DYNC1I1: variants seen among roughly 807,000 people sequenced by gnomAD.
DYNC1I1 encodes the protein dynein cytoplasmic 1 intermediate chain 1, also known as cytoplasmic dynein 1 intermediate chain 1.
Under a neutral mutation model 86.6 loss-of-function variants are expected in DYNC1I1, and 43 were observed. The ratio of observed to expected loss-of-function variants is 0.50; its 90% CI spans 0.39 to 0.64. The LOEUF is 0.64. DYNC1I1 is among the 30% of genes least tolerant of loss of function. The pLI, the probability that DYNC1I1 is intolerant of heterozygous loss-of-function variation, is 0.00. For synonymous variants in DYNC1I1, 262 were observed against 283.7 expected (o/e 0.92, Z 0.77); for missense variants, 604 against 788.8 (o/e 0.77, Z 2.81).
chr7:95,908,398 C>T (rs1181746658), intron 6 of DYNC1I1, among the ~76,000 whole-genome samples: 1 of 152,072 alleles, frequency 6.6e-6, no homozygotes, highest in Non-Finnish European at 1.5e-5. Context: ...TTTAAAAAAA[C>T]ACTGGTAGGC....
Position 95,815,491 on chromosome 7 carries a change from C to T in DYNC1I1, c.314+2154C>T, listed in dbSNP as rs573773618. On this transcript the variant is annotated intron_variant, in intron 4 of 16. Transcript: ENST00000447467. Reference sequence around the variant, plus strand: ...TTAAGAATGCCTTAGTAAATTCTGCCCTTGTTTTGAACTTAGGAAAATTCC... The same window carrying T: ...TTAAGAATGCCTTAGTAAATTCTGCTCTTGTTTTGAACTTAGGAAAATTCC... Among the ~76,000 whole-genome samples, 44 of 152,038 alleles carry T rather than the reference C, an allele frequency of 2.9e-4. No homozygotes were observed. In the South Asian group the frequency reaches 8.7e-3, roughly 30 times the overall value.
At chr7:95,915,849 G>C (rs927263053) in intron 6 of DYNC1I1, among the ~76,000 whole-genome samples, 6 of 152,140 alleles carry the variant, frequency 3.9e-5, no homozygotes, top group Non-Finnish European at 8.8e-5. Flanking sequence ...TTTAAGTTGG[G>C]ATGTGCCAAT....
intron 4 of DYNC1I1, among the ~76,000 whole-genome samples, chr7:95,821,096 G>T (rs1158117985): frequency 1.3e-5 from 2 of 152,098 alleles, no homozygotes; most frequent in African/African-American, 4.8e-5. Flanking sequence ...GAATCAACTT[G>T]CCCTCACACG....
chr7:96,102,717 A>T (rs1720413034), downstream of DYNC1I1, among the ~76,000 whole-genome samples: 1 of 152,216 alleles, frequency 6.6e-6, no homozygotes, highest in African/African-American at 2.4e-5. Flanking sequence ...AGATGCTATG[A>T]TATTAATGGT....
rs776377255 is a variant in DYNC1I1 at position 95,810,457 on chromosome 7, G to C, written c.174G>C (p.Glu58Asp). 29 of 1,612,984 alleles carry C rather than the reference G, an allele frequency of 1.8e-5. No homozygotes were observed. The highest frequency in any genetic ancestry group is 2.5e-5 in the Non-Finnish European group (29 of 1,179,426). The change falls in exon 3 of 17, where the codon GAG becomes GAC. Residue 58 changes from glutamate to aspartate, a missense_variant. Physicochemically the swap from Glu to Asp is conservative, Grantham distance 45 (BLOSUM62 2). Coordinates refer to ENST00000447467, the MANE Select transcript of DYNC1I1 (RefSeq NM_001135556.2). ...CTGATCTGGATCGCAAACGACGAGA[G>C]ACAGAGGCTTTGCTGCAAAGCATTG... ...DDSDLDRKRR[E>D]TEALLQSIGI...
intron 6 of DYNC1I1, among the ~76,000 whole-genome samples, chr7:95,888,795 C>G (rs1790663428): frequency 6.6e-6 from 1 of 152,186 alleles, no homozygotes; most frequent in Non-Finnish European, 1.5e-5. Context: ...AGTAATTTTT[C>G]TACTTCTGGG....
At chr7:96,061,975 T>C (rs1478115627) in intron 14 of DYNC1I1, among the ~76,000 whole-genome samples, 3 of 152,086 alleles carry the variant, frequency 2.0e-5, no homozygotes, top group Non-Finnish European at 2.9e-5. Flanking sequence ...CCTATAAGAG[T>C]CTTGAGTTTT....
At chr7:95,862,565 G>A (rs537731530) in intron 5 of DYNC1I1, among the ~76,000 whole-genome samples, 1 of 152,188 alleles carries the variant, frequency 6.6e-6, no homozygotes, top group Non-Finnish European at 1.5e-5. Context: ...AGTTGAGGAG[G>A]TTGTAAAGCA....
At chr7:96,097,017 A>G (rs561064857) in intron 16 of DYNC1I1, among the ~76,000 whole-genome samples, 1 of 152,284 alleles carries the variant, frequency 6.6e-6, no homozygotes, top group Admixed American at 6.5e-5. Context: ...TTCTTTGTAT[A>G]TATAAGCTAT....
Position 95,786,802 on chromosome 7 carries a change from A to G in DYNC1I1, c.-10+14029A>G, listed in dbSNP as rs557711567. 2.6e-5 allele frequency among the ~76,000 whole-genome samples: 4 copies of G among 152,144 alleles called. No individual in the cohort carries two copies. In the South Asian group the frequency reaches 8.3e-4, roughly 32 times the overall value. ...TGGCCCCACCACTCCATTCCTGCAA[A>G]GTGTCACAGTGTAGCAGGGACTGGA... On this transcript the variant is annotated intron_variant, in intron 1 of 16. Coordinates refer to ENST00000447467, the MANE Select transcript of DYNC1I1 (RefSeq NM_001135556.2).
chr7:95,787,049 C>T (rs533465081), intron 1 of DYNC1I1, among the ~76,000 whole-genome samples: 1 of 152,264 alleles, frequency 6.6e-6, no homozygotes, highest in South Asian at 2.1e-4. Flanking sequence ...TTTTGAGTGT[C>T]TAGATGTTAG....
chr7:95,895,950 G>A (rs1790872240), intron 6 of DYNC1I1, among the ~76,000 whole-genome samples: 1 of 152,210 alleles, frequency 6.6e-6, no homozygotes, highest in Non-Finnish European at 1.5e-5. Flanking sequence ...CAGCTTGAGA[G>A]GGAGGCAAGA....
chr7:96,092,185 TA>T (rs5885941), intron 16 of DYNC1I1, among the ~76,000 whole-genome samples: 61,796 of 147,622 alleles, frequency 0.42, 13,403 homozygotes, highest in Non-Finnish European at 0.49. Context: ...GGTATACTTC[TA>T]AAAAAAAAAG....
At chr7:96,090,721 A>G (rs2116312583) in intron 16 of DYNC1I1, among the ~76,000 whole-genome samples, 1 of 152,296 alleles carries the variant, frequency 6.6e-6, no homozygotes, top group South Asian at 2.1e-4. Flanking sequence ...TTTTACAGAA[A>G]TTTGTACCTA....
chr7:95,797,603 C>T (rs1304943461), intron 1 of DYNC1I1, among the ~76,000 whole-genome samples: 1 of 152,152 alleles, frequency 6.6e-6, no homozygotes, highest in Non-Finnish European at 1.5e-5. Context: ...ATCGATTCAA[C>T]GTTTAGGATA....
chr7:96,037,421 G>C (rs1022760084), intron 13 of DYNC1I1, among the ~76,000 whole-genome samples: 4 of 152,210 alleles, frequency 2.6e-5, no homozygotes, highest in Non-Finnish European at 5.9e-5. Context: ...TGATGACGGT[G>C]AGAAAGATAA....
chr7:96,103,689 C>T (rs1034911988), intron 16 of DYNC1I1, among the ~76,000 whole-genome samples: 2 of 151,894 alleles, frequency 1.3e-5, no homozygotes, highest in African/African-American at 2.4e-5. Flanking sequence ...CTCGGCTCAC[C>T]GCAACCTCTG....
chr7:95,929,766 A>C (rs1399854548), intron 6 of DYNC1I1, among the ~76,000 whole-genome samples: 1 of 152,254 alleles, frequency 6.6e-6, no homozygotes, highest in East Asian at 1.9e-4. Flanking sequence ...CATATGGTAC[A>C]TATGCATTCA....
intron 6 of DYNC1I1, among the ~76,000 whole-genome samples, chr7:95,956,381 T>TC (rs1491207602): frequency 1.6e-4 from 11 of 67,806 alleles, no homozygotes; most frequent in African/African-American, 9.5e-4. Flanking sequence ...TTTTTTTCTC[T>TC]TTTTTTTTTT....
Sources: allele counts gnomAD v4.1 joint callset (sites outside exome capture counted in the v4.1 genomes callset), GRCh38; gene constraint gnomAD v4.1.1; transcripts MANE v1.5; gene names NCBI Gene and HGNC (gene_info 2026-07-23, HGNC 2026-07-21).